Variants in SPTLC2 observed in about 807,000 individuals in gnomAD.
SPTLC2 encodes serine palmitoyltransferase long chain base subunit 2.
A neutral mutation model predicts 62.0 loss-of-function variants in SPTLC2; 21 were observed. That is an observed-to-expected ratio of 0.34 (90% CI 0.24 to 0.49). The LOEUF is 0.49. Ranked by LOEUF, SPTLC2 falls within the 20% of genes least tolerant of loss-of-function variation. The pLI, the probability that SPTLC2 is intolerant of heterozygous loss-of-function variation, is 0.99. For missense variants in SPTLC2, 511 were observed against 713.0 expected (o/e 0.72, Z 3.23); for synonymous variants, 261 against 261.8 (o/e 1.00, Z 0.03).
intron 4 of SPTLC2, among the ~76,000 whole-genome samples, chr14:77,571,193 T>C (rs2079680328): frequency 6.6e-6 from 1 of 152,200 alleles, no homozygotes; most frequent in African/African-American, 2.4e-5. Context: ...AGATGGTTTG[T>C]TATACAGCAA....
At chr14:77,535,783 C>T in intron 9 of SPTLC2, 1 of 329,908 alleles carries the variant, frequency 3.0e-6, no homozygotes, top group Non-Finnish European at 5.9e-6. Flanking sequence ...TTTTGCTTGA[C>T]TGATTCCTCT....
At chr14:77,569,400 T>C (rs2079664878) in intron 5 of SPTLC2, among the ~76,000 whole-genome samples, 1 of 152,198 alleles carries the variant, frequency 6.6e-6, no homozygotes. Context: ...GTTTGTTTTC[T>C]ATTTGTCCCA....
At chr14:77,526,188 A>G (rs929443384) in intron 9 of SPTLC2, among the ~76,000 whole-genome samples, 1 of 152,222 alleles carries the variant, frequency 6.6e-6, no homozygotes, top group Non-Finnish European at 1.5e-5. Context: ...ACCCACTTTG[A>G]CTTGAGTATC....
chr14:77,582,299 C>T (rs2079756051), intron 2 of SPTLC2, among the ~76,000 whole-genome samples: 1 of 152,116 alleles, frequency 6.6e-6, no homozygotes, highest in East Asian at 1.9e-4. Flanking sequence ...AAGGATCTGC[C>T]TGCCTCAGCC....
At chr14:77,550,845 T>C (rs2079551668) in intron 9 of SPTLC2, among the ~76,000 whole-genome samples, 1 of 149,652 alleles carries the variant, frequency 6.7e-6, no homozygotes. Context: ...CGGAGGTTGC[T>C]GTGAGCTGAG....
At chr14:77,596,359 C>T (rs962224723) in intron 2 of SPTLC2, among the ~76,000 whole-genome samples, 5 of 149,968 alleles carry the variant, frequency 3.3e-5, no homozygotes, top group African/African-American at 7.4e-5. Flanking sequence ...AAAAATTAGC[C>T]GGGCGTGGTG....
At chr14:77,562,310 G>C (rs1566780817) in intron 6 of SPTLC2, 86 bp downstream of exon 6, 1 of 1,129,800 alleles carries the variant, frequency 8.9e-7, no homozygotes. Context: ...ATACTTTCAA[G>C]TGCTAATATA....
intron 9 of SPTLC2, among the ~76,000 whole-genome samples, chr14:77,543,733 G>C (rs534463899): frequency 5.3e-5 from 8 of 152,280 alleles, no homozygotes; most frequent in African/African-American, 1.9e-4. Context: ...CTGTTTTCCT[G>C]CTGCACCTAA....
intron 6 of SPTLC2, among the ~76,000 whole-genome samples, chr14:77,559,544 A>G (rs1043889411): frequency 3.9e-5 from 6 of 152,164 alleles, no homozygotes; most frequent in Admixed American, 6.5e-5. Context: ...TGGCAACAAA[A>G]ACATTTTCAT....
intron 5 of SPTLC2, among the ~76,000 whole-genome samples, chr14:77,564,332 A>G (rs1292309623): frequency 6.6e-6 from 1 of 150,614 alleles, no homozygotes; most frequent in East Asian, 1.9e-4. Flanking sequence ...GAAGGAGAAT[A>G]AGGAAAAGGA....
intron 2 of SPTLC2, among the ~76,000 whole-genome samples, chr14:77,590,820 G>A (rs1019141467): frequency 6.6e-6 from 1 of 152,198 alleles, no homozygotes; most frequent in African/African-American, 2.4e-5. Context: ...CTGCAAATTA[G>A]CTGGGGTGCC....
chr14:77,595,734 C>T (rs2079843226), intron 2 of SPTLC2, among the ~76,000 whole-genome samples: 1 of 152,186 alleles, frequency 6.6e-6, no homozygotes, highest in Non-Finnish European at 1.5e-5. Context: ...ATTGTTTCTT[C>T]TACAATCAAT....
chr14:77,551,209 C>A (rs533413024), intron 9 of SPTLC2, among the ~76,000 whole-genome samples: 1 of 151,726 alleles, frequency 6.6e-6, no homozygotes, highest in African/African-American at 2.4e-5. Context: ...CTGGCTAATG[C>A]GGTGAAATCC....
chr14:77,591,108 C>T (rs902086638), intron 2 of SPTLC2, among the ~76,000 whole-genome samples: 1 of 152,192 alleles, frequency 6.6e-6, no homozygotes, highest in African/African-American at 2.4e-5. Flanking sequence ...GAGATGACTG[C>T]TCCATATGAT....
intron 2 of SPTLC2, among the ~76,000 whole-genome samples, chr14:77,588,470 C>T (rs1352146494): frequency 4.0e-5 from 6 of 151,368 alleles, no homozygotes; most frequent in African/African-American, 9.7e-5. Flanking sequence ...GCAGGTGGAT[C>T]GCTTGAGCTC....
chr14:77,545,684 T>C (rs1271059459), intron 9 of SPTLC2, among the ~76,000 whole-genome samples: 1 of 150,682 alleles, frequency 6.6e-6, no homozygotes, highest in East Asian at 2.0e-4. Context: ...TGATGAAAAA[T>C]AAAGCCCTCA....
chr14:77,530,117 G>A (rs779327017), intron 9 of SPTLC2, among the ~76,000 whole-genome samples: 82 of 152,278 alleles, frequency 5.4e-4, no homozygotes, highest in Non-Finnish European at 9.3e-4. Flanking sequence ...CATCTCAGCT[G>A]AAGGTATCTT....
At chr14:77,513,722 C>A (rs2079344756) in intron 11 of SPTLC2, among the ~76,000 whole-genome samples, 1 of 151,858 alleles carries the variant, frequency 6.6e-6, no homozygotes, top group African/African-American at 2.4e-5. Flanking sequence ...ATGGAGAAAC[C>A]CTGTCTCTAC....
At chr14:77,581,422 T>TTTC (rs1267061999) in intron 2 of SPTLC2, among the ~76,000 whole-genome samples, 3 of 148,192 alleles carry the variant, frequency 2.0e-5, no homozygotes, top group Non-Finnish European at 3.0e-5. Flanking sequence ...TTTTTTTTTT[T>TTTC]TTTTTGAGGC....
Sources: allele counts gnomAD v4.1 joint callset (sites outside exome capture counted in the v4.1 genomes callset), GRCh38; gene constraint gnomAD v4.1.1; transcripts MANE v1.5; gene names NCBI Gene and HGNC (gene_info 2026-07-23, HGNC 2026-07-21).